SSUH2: variants seen among roughly 807,000 people sequenced by gnomAD.
SSUH2 encodes ssu-2 homolog.
In SSUH2, 47 loss-of-function variants were observed where a neutral mutation model predicts 55.3. The ratio of observed to expected loss-of-function variants is 0.85; its 90% CI spans 0.67 to 1.08. The LOEUF is 1.08. Among genes scored for constraint, SSUH2 ranks in the 50% least tolerant of loss-of-function variants. The probability of loss-of-function intolerance (pLI) is 0.00; values close to 1 mark genes in which losing one functional copy is unlikely to be tolerated. For synonymous variants in SSUH2, 212 were observed against 191.5 expected, an observed-to-expected ratio of 1.11 and a Z score of -0.89; for missense variants, 535 against 490.7, an observed-to-expected ratio of 1.09 and a Z score of -0.85.
chr3:8,660,073 T>G (rs1301946713), intron 6 of SSUH2, among the ~76,000 whole-genome samples: 2 of 152,240 alleles, frequency 1.3e-5, no homozygotes, highest in Non-Finnish European at 2.9e-5. Context: ...GAAGCTAGTC[T>G]GCTCCAGTCA....
Position 8,623,675 on chromosome 3 carries a change from G to A in SSUH2, c.874-19C>T. On this transcript the variant is annotated intron_variant, in intron 10 of 11. Coordinates refer to ENST00000544814, the MANE Select transcript of SSUH2 (RefSeq NM_001256748.3). ...GGTACACCTGGGGGAAAGAGAGAGA[G>A]ACACAGACCACCTGGCTGCCGCACC... is the stretch of plus-strand genomic sequence containing the variant. The A allele has an allele frequency of 1.5e-6, 2 of 1,327,230 alleles. No individual in the cohort carries two copies. The highest frequency in any genetic ancestry group is 2.1e-6 in the Non-Finnish European group (2 of 959,860). The allele number at this position is 1,327,230 out of a possible 1,614,324, so 82.2% of individuals were successfully genotyped here.
At chr3:8,671,849 GCGCCTCC>G in intron 4 of SSUH2, 2 of 144,776 alleles carry the variant, frequency 1.4e-5, no homozygotes, top group Non-Finnish European at 3.0e-5. Flanking sequence ...AGGGGGGCGG[GCGCCTCC>G]CGCGATGCGG....
At chr3:8,654,709 C>T (rs1041491805) in intron 7 of SSUH2, among the ~76,000 whole-genome samples, 5 of 152,104 alleles carry the variant, frequency 3.3e-5, no homozygotes, top group Admixed American at 6.5e-5. Context: ...TCCAAGATCA[C>T]AGTGTGTGGC....
chr3:8,677,091 G>GACCCCCATCGCAGCGGGGAGAGAT (rs1705446698), intron 3 of SSUH2: 1 of 149,176 alleles, frequency 6.7e-6, no homozygotes, highest in African/African-American at 2.5e-5. Flanking sequence ...TGGCTCTTAG[G>GACCCCCATCGCAGCGGGGAGAGAT]ACCCCCATCG....
At chr3:8,658,459 G>A (rs79210869) in intron 7 of SSUH2, among the ~76,000 whole-genome samples, 1,739 of 152,332 alleles carry the variant, frequency 0.011, 34 homozygotes, top group African/African-American at 0.036. Context: ...CTTGCTTGCC[G>A]CAGACCAGCC....
At chr3:8,644,103 T>C (rs1449620392) in intron 1 of SSUH2, among the ~76,000 whole-genome samples, 2 of 152,188 alleles carry the variant, frequency 1.3e-5, no homozygotes, top group Non-Finnish European at 2.9e-5. Context: ...TTCCTTCATG[T>C]TTTTAAATAG....
At position 8,623,635 on chromosome 3, in the gene SSUH2, G is replaced by A; in HGVS notation, c.895C>T (p.Pro299Ser). Reference sequence around the variant, plus strand: ...GAGGCAAGAGAGATGTCTCGCAGAGGGAAGTCCACGATGGGGTACACCTGG... The same window carrying A: ...GAGGCAAGAGAGATGTCTCGCAGAGAGAAGTCCACGATGGGGTACACCTGG... ...NSVVYPIVDF[P>S]LRDISLASQR... is the part of the protein sequence containing the mutation. The change falls in exon 11 of 12, where the codon CCT becomes TCT. Residue 299 changes from proline to serine, a missense_variant. By Grantham distance (74) the Pro-to-Ser change is moderately conservative. Transcript: ENST00000544814. 1.3e-6 allele frequency: 2 copies of A among 1,538,606 alleles called. No homozygotes were observed. The highest frequency in any genetic ancestry group is 2.5e-5 in the East Asian group (1 of 40,474).
At chr3:8,680,087 A>G (rs543422525) in intron 1 of SSUH2, among the ~76,000 whole-genome samples, 70 of 152,272 alleles carry the variant, frequency 4.6e-4, no homozygotes, top group Admixed American at 1.4e-3. Context: ...CGTTGTATGC[A>G]TCAGAGAGAG....
chr3:8,631,614 A>C (rs1698796641), intron 5 of SSUH2, among the ~76,000 whole-genome samples: 1 of 152,062 alleles, frequency 6.6e-6, no homozygotes, highest in Non-Finnish European at 1.5e-5. Flanking sequence ...GAGGACATAG[A>C]TCTTCCCAAA....
At chr3:8,676,131 C>T (rs529899812) in intron 3 of SSUH2, among the ~76,000 whole-genome samples, 3 of 152,148 alleles carry the variant, frequency 2.0e-5, no homozygotes, top group Non-Finnish European at 4.4e-5. Context: ...CCACGGTGGA[C>T]TCACAGCCTG....
chr3:8,635,766 T>C lies in SSUH2; in HGVS notation c.120A>G (p.Gln40=), dbSNP rs558207054. The change falls in exon 2 of 12, where the codon CAA becomes CAG. Residue 40 remains glutamine, a synonymous_variant. Transcript: ENST00000544814. ...ERLPSYDWLL[Q]GGRGQIFFPP... Reference sequence around the variant, plus strand: ...AGCCCTCTTGGAACTTACTGCCCCCTTGAAGAAGCCAGTCATAGCTGGGCA... The same window carrying C: ...AGCCCTCTTGGAACTTACTGCCCCCCTGAAGAAGCCAGTCATAGCTGGGCA... 11 of 1,535,468 alleles carry C rather than the reference T, an allele frequency of 7.2e-6. No homozygotes were observed. Among genetic ancestry groups the C allele is most frequent in the Middle Eastern group, 3.3e-4 (2 of 5,972 alleles).
chr3:8,633,780 C>T lies in SSUH2; in HGVS notation c.225G>A (p.Thr75=), dbSNP rs372443149. 4.7e-5 allele frequency: 76 copies of T among 1,612,214 alleles called. No homozygotes were observed. The highest frequency in any genetic ancestry group is 2.1e-4 in the African/African-American group (16 of 75,012). The change falls in exon 4 of 12, where the codon ACG becomes ACA. Residue 75 remains threonine (T), a synonymous_variant. Transcript: ENST00000544814. The part of the protein sequence containing the change: ...SFLEHRVPAM[T]EEVAREALLS... ...GGAGGGCTTCCCGGGCCACCTCCTCCGTCATCGCAGGGACTCTGCAGGGGA... is the reference window on the plus strand; with the variant it reads ...GGAGGGCTTCCCGGGCCACCTCCTCTGTCATCGCAGGGACTCTGCAGGGGA...
chr3:8,652,960 C>T (rs931147320), intron 7 of SSUH2, among the ~76,000 whole-genome samples: 1 of 152,206 alleles, frequency 6.6e-6, no homozygotes, highest in Non-Finnish European at 1.5e-5. Flanking sequence ...AGACTGGGCT[C>T]CTCTTTGTCC....
chr3:8,664,179 G>C (rs1254072540), intron 5 of SSUH2, among the ~76,000 whole-genome samples: 1 of 152,214 alleles, frequency 6.6e-6, no homozygotes, highest in African/African-American at 2.4e-5. Flanking sequence ...CAAGTGGATT[G>C]TTTCGAAGCT....
chr3:8,657,897 C>A (rs150407348), intron 7 of SSUH2, among the ~76,000 whole-genome samples: 1 of 152,252 alleles, frequency 6.6e-6, no homozygotes, highest in Non-Finnish European at 1.5e-5. Flanking sequence ...GTGGGGCTGT[C>A]CCAGTCTCTT....
intron 2 of SSUH2, among the ~76,000 whole-genome samples, chr3:8,677,731 C>G (rs1705525840): frequency 6.6e-6 from 1 of 150,734 alleles, no homozygotes; most frequent in Admixed American, 6.6e-5. Context: ...GCAGCAACTG[C>G]CCTGCTAGTA....
intron 1 of SSUH2, among the ~76,000 whole-genome samples, chr3:8,681,393 C>G (rs370810902): frequency 1.4e-5 from 2 of 143,180 alleles, no homozygotes; most frequent in Admixed American, 6.9e-5. Flanking sequence ...GGACACCCAT[C>G]GCAGGATGGG....
chr3:8,647,269 C>A (rs142423132), upstream of SSUH2, among the ~76,000 whole-genome samples: 1 of 152,354 alleles, frequency 6.6e-6, no homozygotes, highest in East Asian at 1.9e-4. Context: ...CCTGTCCTAT[C>A]CATGCGCAGG....
At chr3:8,666,224 A>G (rs1703979190) in intron 5 of SSUH2, among the ~76,000 whole-genome samples, 1 of 152,228 alleles carries the variant, frequency 6.6e-6, no homozygotes, top group Non-Finnish European at 1.5e-5. Context: ...AGACCACCAA[A>G]TCTAAACACT....
Sources: allele counts gnomAD v4.1 joint callset (sites outside exome capture counted in the v4.1 genomes callset), GRCh38; gene constraint gnomAD v4.1.1; transcripts MANE v1.5; gene names NCBI Gene and HGNC (gene_info 2026-07-23, HGNC 2026-07-21).